Variants in MANBA observed in about 807,000 individuals in gnomAD.
The protein encoded by MANBA is mannosidase beta.
MANBA carries 83 observed loss-of-function variants against 111.1 expected under a neutral mutation model. The ratio of observed to expected loss-of-function variants is 0.75; its 90% confidence interval spans 0.63 to 0.90. The LOEUF is 0.90. MANBA is among the 40% of genes least tolerant of loss of function. The pLI is 0.00. For missense variants in MANBA, 1,036 were observed against 1,069.0 expected (o/e 0.97, Z 0.43); for synonymous variants, 370 against 378.7 (o/e 0.98, Z 0.27).
chr4:102,635,091 A>G (rs376200367), intron 15 of MANBA, 46 bp from the exon 16 acceptor site: 46 of 1,605,362 alleles, frequency 2.9e-5, no homozygotes, highest in African/African-American at 4.0e-5. Context: ...CTTGGTTGCT[A>G]TGTTTTTAAG....
chr4:102,679,775 T>C (rs1048075681), intron 7 of MANBA: 1 of 152,158 alleles, frequency 6.6e-6, no homozygotes, highest in African/African-American at 2.4e-5. Flanking sequence ...GCCAGAGATA[T>C]GCAAATATTT....
At chr4:102,662,554 A>C (rs1030220569) in intron 11 of MANBA, 22 of 145,372 alleles carry the variant, frequency 1.5e-4, no homozygotes, top group African/African-American at 5.8e-4. Context: ...TCCATCTCAA[A>C]AAAAAAAAAA....
Position 102,721,329 on chromosome 4 carries a change from C to CATAAATAAATAAATAA in MANBA, c.549+1526_549+1541dup, listed in dbSNP as rs57059616. Among the ~76,000 whole-genome samples the CATAAATAAATAAATAA allele has an allele frequency of 3.4e-3, 513 of 151,112 alleles. 6 individuals carry two copies. The highest frequency in any genetic ancestry group is 0.012 in the African/African-American group (477 of 40,878). On this transcript the variant is annotated intron_variant, in intron 4 of 16. Transcript: ENST00000647097. ...ACAGAGCAAGACTCCATCTCAAATACATAAATAAATAAATAAATAAATAAA... is the reference window on the plus strand; with the variant it reads ...ACAGAGCAAGACTCCATCTCAAATACATAAATAAATAAATAAATAAATAAATAAATAAATAAATAAA...
At chr4:102,692,821 T>C (rs1231050548) in intron 5 of MANBA, among the ~76,000 whole-genome samples, 1 of 150,904 alleles carries the variant, frequency 6.6e-6, no homozygotes, top group Admixed American at 6.6e-5. Context: ...ACCTTTCTCC[T>C]ACAAATAAAG....
chr4:102,634,119 T>C lies in MANBA; in HGVS notation c.2415+669A>G, dbSNP rs1729508637. Among the ~76,000 whole-genome samples, 6 of 152,338 alleles carry C rather than the reference T, an allele frequency of 3.9e-5. No individual in the cohort carries two copies. In the South Asian group the frequency reaches 1.2e-3, roughly 32 times the overall value. On this transcript the variant is annotated intron_variant, in intron 16 of 16. Transcript: ENST00000647097. ...TGTGTACATATATTTCCAACTGCTA[T>C]GTGTAGGGGAGAAGGAAGGAAAGGT...
intron 7 of MANBA, among the ~76,000 whole-genome samples, chr4:102,687,889 T>C (rs1477290205): frequency 4.6e-5 from 7 of 152,048 alleles, no homozygotes; most frequent in Non-Finnish European, 7.4e-5. Context: ...CCTCAAAAAA[T>C]AGCAACTCTA....
In MANBA at chr4:102,664,812, C is replaced by T. The variant is rs1456313097; in HGVS notation, c.1358G>A (p.Ser453Asn). 2 of 1,609,522 alleles carry T rather than the reference C, an allele frequency of 1.2e-6. No homozygotes were observed. The highest frequency in any genetic ancestry group is 2.2e-5 in the South Asian group (2 of 90,988). ...CGCCTCCTCATTTTCATTATTGCCA[C>T]TCCATATGATGATAGAAGGATGAGA... ...LKSHPSIIIW[S>N]GNNENEEALM... Residue 453 changes from serine (S) to asparagine (N), a missense_variant, in exon 11 of 17, where the codon AGT becomes AAT. Coordinates refer to ENST00000647097, the MANE Select transcript of MANBA (RefSeq NM_005908.4).
chr4:102,752,965 A>G (rs1723866032), intron 1 of MANBA, among the ~76,000 whole-genome samples: 1 of 152,352 alleles, frequency 6.6e-6, no homozygotes, highest in East Asian at 1.9e-4. Context: ...CATGTGAAGA[A>G]TATAAGGTAA....
At chr4:102,640,927 G>T (rs1020142604) in intron 13 of MANBA, among the ~76,000 whole-genome samples, 1 of 152,110 alleles carries the variant, frequency 6.6e-6, no homozygotes, top group Non-Finnish European at 1.5e-5. Flanking sequence ...ATAAGAACCT[G>T]CAGGATATGT....
intron 4 of MANBA, among the ~76,000 whole-genome samples, chr4:102,718,369 A>C (rs552826603): frequency 1.7e-4 from 26 of 152,356 alleles, no homozygotes; most frequent in African/African-American, 6.3e-4. Context: ...ATTGGGAGAC[A>C]ATGGCAAATA....
At chr4:102,734,764 G>T (rs2110201712) in intron 1 of MANBA, among the ~76,000 whole-genome samples, 2 of 152,266 alleles carry the variant, frequency 1.3e-5, no homozygotes, top group South Asian at 4.1e-4. Flanking sequence ...AGACAGTCAT[G>T]ACAGTCCCCA....
In MANBA at chr4:102,760,730, C is replaced by T. The variant is rs1350621328; in HGVS notation, c.165G>A (p.Gln55=). 6.5e-7 allele frequency: 1 copy of T among 1,542,780 alleles called. No homozygotes were observed. Among genetic ancestry groups the T allele is most frequent in the Admixed American group, 2.0e-5 (1 of 50,854 alleles). The change falls in exon 1 of 17, where the codon CAG becomes CAA. Residue 55 remains glutamine (Q), a synonymous_variant. Transcript: ENST00000647097. ...PGCVHSALFQ[Q]GLIQDSYYRF... ...CCGCACGCCATACCTGGATCAGGCC[C>T]TGCTGGAACAAGGCGCTGTGCACGC...
At chr4:102,728,892 C>T in intron 1 of MANBA, 1 of 758,400 alleles carries the variant, frequency 1.3e-6, no homozygotes, top group Non-Finnish European at 2.3e-6. Context: ...GGGAGGCCCC[C>T]ACAGGCCGAG....
At chr4:102,670,153 TC>T (rs1560762755) in intron 9 of MANBA, among the ~76,000 whole-genome samples, 1 of 84,576 alleles carries the variant, frequency 1.2e-5, no homozygotes, top group Non-Finnish European at 2.0e-5. Context: ...AGACTCCATA[TC>T]AAAAAAAAAA....
chr4:102,653,957 T>G (rs911349942), intron 12 of MANBA, among the ~76,000 whole-genome samples: 4 of 152,064 alleles, frequency 2.6e-5, no homozygotes, highest in African/African-American at 9.7e-5. Flanking sequence ...TTTACTGAAT[T>G]ATTGCTTGTG....
At chr4:102,656,330 G>A (rs141230029) in intron 12 of MANBA, among the ~76,000 whole-genome samples, 198 of 151,670 alleles carry the variant, frequency 1.3e-3, no homozygotes, top group African/African-American at 4.4e-3. Context: ...CAGTAAGCAC[G>A]TGAAAAAAAA....
At chr4:102,682,596 C>T (rs1440206864) in intron 7 of MANBA, 1 of 152,220 alleles carries the variant, frequency 6.6e-6, no homozygotes, top group Non-Finnish European at 1.5e-5. Flanking sequence ...AAAAATACAA[C>T]CTTATTTGGA....
chr4:102,689,522 T>C, intron 7 of MANBA, 52 bp downstream of exon 7: 1 of 1,212,052 alleles, frequency 8.3e-7, no homozygotes, highest in Non-Finnish European at 1.2e-6. Flanking sequence ...TGTATTACTA[T>C]TTTTAAAAGA....
intron 5 of MANBA, among the ~76,000 whole-genome samples, chr4:102,695,690 C>T (rs1437509902): frequency 6.6e-6 from 1 of 152,170 alleles, no homozygotes; most frequent in African/African-American, 2.4e-5. Context: ...GTCCAGGTTT[C>T]CTAACTCTGG....
Sources: allele counts gnomAD v4.1 joint callset (sites outside exome capture counted in the v4.1 genomes callset), GRCh38; gene constraint gnomAD v4.1.1; transcripts MANE v1.5; gene names NCBI Gene and HGNC (gene_info 2026-07-23, HGNC 2026-07-21).